MAGI2: variants seen among roughly 807,000 people sequenced by gnomAD.
MAGI2 encodes membrane associated guanylate kinase, WW and PDZ domain containing 2.
In MAGI2, 35 loss-of-function variants were observed where a neutral mutation model predicts 133.3. The ratio of observed to expected loss-of-function variants is 0.26; its 90% CI spans 0.20 to 0.35. The LOEUF (loss-of-function observed/expected upper bound fraction) is 0.35. Among genes scored for constraint, MAGI2 ranks in the 10% least tolerant of loss-of-function variants. The pLI is 1.00. For missense variants in MAGI2, 1,636 were observed against 1,863.4 expected (o/e 0.88, Z 2.25); for synonymous variants, 729 against 710.6 (o/e 1.03, Z -0.41).
intron 2 of MAGI2, among the ~76,000 whole-genome samples, chr7:78,936,920 A>C (rs929455796): frequency 2.0e-5 from 3 of 152,076 alleles, no homozygotes; most frequent in Non-Finnish European, 2.9e-5. Flanking sequence ...GTATACATAC[A>C]TCTATTTTCT....
intron 2 of MAGI2, among the ~76,000 whole-genome samples, chr7:78,770,662 A>T (rs1825495359): frequency 2.0e-5 from 3 of 152,338 alleles, no homozygotes; most frequent in Admixed American, 2.0e-4. Context: ...AAAGCTCCGC[A>T]AACAAACGAG....
At chr7:79,300,687 T>C (rs1039899266) in intron 1 of MAGI2, among the ~76,000 whole-genome samples, 4 of 152,174 alleles carry the variant, frequency 2.6e-5, no homozygotes, top group African/African-American at 7.2e-5. Context: ...AGCAATTACT[T>C]GCTAGAGAGA....
chr7:79,094,165 A>C (rs1817323182), intron 1 of MAGI2, among the ~76,000 whole-genome samples: 1 of 152,226 alleles, frequency 6.6e-6, no homozygotes, highest in South Asian at 2.1e-4. Flanking sequence ...CTGCTGCTTT[A>C]TCAACTAAGT....
At chr7:78,157,215 C>T (rs1056875824) in intron 16 of MAGI2, among the ~76,000 whole-genome samples, 13 of 152,220 alleles carry the variant, frequency 8.5e-5, no homozygotes, top group Middle Eastern at 3.4e-3. Context: ...CCACAGAGCA[C>T]GGGGCAACTT....
intron 2 of MAGI2, among the ~76,000 whole-genome samples, chr7:78,853,468 A>C (rs1347747521): frequency 7.0e-6 from 1 of 143,608 alleles, no homozygotes; most frequent in Non-Finnish European, 1.5e-5. Context: ...CCATCCTCCC[A>C]CATCAGCCTC....
At position 78,194,855 on chromosome 7, in the gene MAGI2, T is replaced by A. The variant is rs1828574677; in HGVS notation, c.2269+19A>T. On this transcript the variant is annotated intron_variant, in intron 12 of 21. Transcript: ENST00000354212. ...CAGCTATTATTAATGTACCCTTGTTTCATGTGGCTTTCACTTACGCCTACT... is the reference window on the plus strand; with the variant it reads ...CAGCTATTATTAATGTACCCTTGTTACATGTGGCTTTCACTTACGCCTACT... 6.4e-7 allele frequency: 1 copy of A among 1,571,870 alleles called. No homozygotes were observed. Among genetic ancestry groups the A allele is most frequent in the Non-Finnish European group, 8.6e-7 (1 of 1,159,834 alleles).
chr7:79,350,759 A>G (rs1226801782), intron 1 of MAGI2, among the ~76,000 whole-genome samples: 1 of 152,266 alleles, frequency 6.6e-6, no homozygotes, highest in South Asian at 2.1e-4. Context: ...TTGAATTTAG[A>G]TAAGAATCAC....
intron 3 of MAGI2, among the ~76,000 whole-genome samples, chr7:78,582,359 A>G (rs1344082291): frequency 6.6e-6 from 1 of 152,224 alleles, no homozygotes; most frequent in Non-Finnish European, 1.5e-5. Context: ...TCCTCACTGA[A>G]CAGAAAGTCA....
intron 1 of MAGI2, among the ~76,000 whole-genome samples, chr7:79,091,447 A>G (rs190881998): frequency 7.9e-5 from 12 of 152,204 alleles, no homozygotes; most frequent in Non-Finnish European, 1.5e-4. Flanking sequence ...AAGCAAACTG[A>G]ACAATCAGGA....
chr7:78,447,712 A>G (rs1788299890), intron 6 of MAGI2, among the ~76,000 whole-genome samples: 1 of 152,206 alleles, frequency 6.6e-6, no homozygotes, highest in African/African-American at 2.4e-5. Context: ...CAAGGACATT[A>G]TTGCAAGAAA....
At chr7:79,130,057 T>TC (rs1820781708) in intron 1 of MAGI2, among the ~76,000 whole-genome samples, 1 of 151,704 alleles carries the variant, frequency 6.6e-6, no homozygotes, top group African/African-American at 2.4e-5. Flanking sequence ...TCTCAGCACT[T>TC]CGGGAGGCCA....
chr7:78,173,160 T>C (rs1187711250), intron 14 of MAGI2, among the ~76,000 whole-genome samples: 2 of 152,160 alleles, frequency 1.3e-5, no homozygotes, highest in Non-Finnish European at 2.9e-5. Context: ...GATTCAGGAA[T>C]GCAAAGCCAA....
At chr7:78,385,342 C>T (rs943151615) in intron 6 of MAGI2, among the ~76,000 whole-genome samples, 2 of 152,192 alleles carry the variant, frequency 1.3e-5, no homozygotes, top group African/African-American at 4.8e-5. Flanking sequence ...CAGTGCCCAT[C>T]TTATCCTTGT....
At chr7:78,829,324 T>C (rs1790934906) in intron 2 of MAGI2, among the ~76,000 whole-genome samples, 1 of 152,084 alleles carries the variant, frequency 6.6e-6, no homozygotes, top group Admixed American at 6.5e-5. Flanking sequence ...TTTGTTTTTG[T>C]TTATGAATAT....
In MAGI2 at chr7:78,029,356, A is replaced by C. The variant is rs937713925; in HGVS notation, c.3707-9380T>G. Among the ~76,000 whole-genome samples the C allele has an allele frequency of 2.4e-4, 37 of 152,206 alleles. 1 individual carries two copies. On this transcript the variant is annotated intron_variant, in intron 21 of 21. Coordinates refer to ENST00000354212, the MANE Select transcript of MAGI2 (RefSeq NM_012301.4). ...GAATCTATGAGAAATGTGCTGGTTC[A>C]TTTATTTCAAGCATGTGTTAAGTGT... is the stretch of plus-strand genomic sequence containing the variant.
intron 2 of MAGI2, among the ~76,000 whole-genome samples, chr7:78,704,790 T>TTTTTTTTTTTC (rs1818457244): frequency 3.0e-5 from 1 of 32,994 alleles, no homozygotes; most frequent in African/African-American, 1.1e-4. Flanking sequence ...TTTTTTTTTT[T>TTTTTTTTTTTC]TTTTTTCTGA....
chr7:78,913,308 T>C (rs147302973), intron 2 of MAGI2, among the ~76,000 whole-genome samples: 1 of 152,224 alleles, frequency 6.6e-6, no homozygotes, highest in African/African-American at 2.4e-5. Flanking sequence ...GTTCTCATGA[T>C]AGTAAGTGCA....
At chr7:78,638,354 T>C (rs1024514055) in intron 2 of MAGI2, among the ~76,000 whole-genome samples, 1 of 152,212 alleles carries the variant, frequency 6.6e-6, no homozygotes, top group African/African-American at 2.4e-5. Flanking sequence ...GAATCATCAC[T>C]ACATTGGAAA....
chr7:78,474,923 T>G (rs1280195167), intron 6 of MAGI2, among the ~76,000 whole-genome samples: 2 of 151,802 alleles, frequency 1.3e-5, no homozygotes, highest in African/African-American at 4.8e-5. Flanking sequence ...CTTAAACTAT[T>G]GGAAAGCTAT....
Sources: allele counts gnomAD v4.1 joint callset (sites outside exome capture counted in the v4.1 genomes callset), GRCh38; gene constraint gnomAD v4.1.1; transcripts MANE v1.5; gene names NCBI Gene and HGNC (gene_info 2026-07-23, HGNC 2026-07-21).